PHYHD1: variants seen among roughly 807,000 people sequenced by gnomAD.
PHYHD1 encodes the protein phytanoyl-CoA dioxygenase domain containing 1.
In PHYHD1, 42 loss-of-function variants were observed where a neutral mutation model predicts 43.6. The ratio of observed to expected loss-of-function variants is 0.96; its 90% CI spans 0.75 to 1.25. The LOEUF (loss-of-function observed/expected upper bound fraction) is 1.25, where lower values mean the gene tolerates loss of function less well. Among genes scored for constraint, PHYHD1 ranks in the 50% most tolerant of loss-of-function variants. The pLI is 0.00. For missense variants in PHYHD1, 342 were observed against 370.8 expected (o/e 0.92, Z 0.64); for synonymous variants, 139 against 143.6 (o/e 0.97, Z 0.23).
intron 8 of PHYHD1, 24 bp from the exon 9 acceptor site, chr9:128,937,733 C>A (rs760576277): frequency 6.2e-7 from 1 of 1,613,878 alleles, no homozygotes; most frequent in East Asian, 2.2e-5. Context: ...TCTGTCCTCA[C>A]CAGGCTTTTC....
intron 4 of PHYHD1, among the ~76,000 whole-genome samples, chr9:128,931,137 T>C (rs533347260): frequency 1.3e-5 from 2 of 151,914 alleles, no homozygotes; most frequent in Admixed American, 6.6e-5. Context: ...TTGAGATATA[T>C]TTTCGCTCCT....
At chr9:128,938,086 C>G in intron 9 of PHYHD1, 1 of 712,530 alleles carries the variant, frequency 1.4e-6, no homozygotes, top group Non-Finnish European at 2.1e-6. Context: ...GCGAGCGGAT[C>G]ACCTGAGGTC....
rs1840992756 is a variant in PHYHD1 at position 128,921,284 on chromosome 9, G to A, written c.-544G>A. 2 of 151,098 alleles carry A rather than the reference G, an allele frequency of 1.3e-5. No homozygotes were observed. The highest frequency in any genetic ancestry group is 4.2e-4 in the South Asian group (2 of 4,768). 9.4% of individuals were successfully genotyped at this position (151,098 alleles called of 1,614,324 possible). ...CTGCCACCATGCTCGGCTAGTTTTT[G>A]GTATTTTTATTTATTATTTATTTAT... On this transcript the variant is annotated 5_prime_UTR_variant, in exon 1 of 13. Coordinates refer to ENST00000372592, the MANE Select transcript of PHYHD1 (RefSeq NM_001100876.2).
intron 3 of PHYHD1, 117 bp downstream of exon 3, chr9:128,922,473 GC>G: frequency 7.6e-7 from 1 of 1,316,556 alleles, no homozygotes. Flanking sequence ...CGAAACTGAA[GC>G]CCAGAGGAGC....
At position 128,939,331 on chromosome 9, in the gene PHYHD1, G is replaced by C. The variant is rs1367796719; in HGVS notation, c.458-1038G>C. Among the ~76,000 whole-genome samples, 2 of 128,556 alleles carry C rather than the reference G, an allele frequency of 1.6e-5. 1 individual carries two copies. Among genetic ancestry groups the C allele is most frequent in the Non-Finnish European group, 3.6e-5 (2 of 55,436 alleles). The allele number at this position is 128,556 out of a possible 152,430, so 84.3% of individuals were successfully genotyped here. On this transcript the variant is annotated intron_variant, in intron 9 of 12. Coordinates refer to ENST00000372592, the MANE Select transcript of PHYHD1 (RefSeq NM_001100876.2). Reference sequence around the variant, plus strand: ...GTGGTGGCTCACGCTTGTAATCCCAGCACTTTGGGAGGCCGAGGGGGTAGA... The same window carrying C: ...GTGGTGGCTCACGCTTGTAATCCCACCACTTTGGGAGGCCGAGGGGGTAGA...
At chr9:128,928,567 G>A (rs1410518999) in intron 4 of PHYHD1, among the ~76,000 whole-genome samples, 2 of 152,104 alleles carry the variant, frequency 1.3e-5, no homozygotes, top group East Asian at 1.9e-4. Context: ...GCTGGGCCAG[G>A]TGATGCATAC....
At chr9:128,924,488 T>C (rs1410275170) in intron 3 of PHYHD1, among the ~76,000 whole-genome samples, 1 of 152,028 alleles carries the variant, frequency 6.6e-6, no homozygotes, top group African/African-American at 2.4e-5. Context: ...GGTGTGCACC[T>C]GCAGTCCCAG....
At chr9:128,936,310 G>A in intron 6 of PHYHD1, 138 bp from the exon 7 acceptor site, 1 of 1,212,850 alleles carries the variant, frequency 8.2e-7, no homozygotes, top group Non-Finnish European at 1.2e-6. Flanking sequence ...CCATTACTCA[G>A]TTGTAAACAA....
intron 4 of PHYHD1, among the ~76,000 whole-genome samples, chr9:128,932,166 A>ATTTTTTT (rs1564540372): frequency 5.7e-5 from 7 of 122,736 alleles, no homozygotes; most frequent in African/African-American, 2.1e-4. Flanking sequence ...TATTATTATT[A>ATTTTTTT]TTGTTATTAT....
At chr9:128,926,171 G>A (rs1189301338) in intron 3 of PHYHD1, among the ~76,000 whole-genome samples, 1 of 152,226 alleles carries the variant, frequency 6.6e-6, no homozygotes, top group African/African-American at 2.4e-5. Flanking sequence ...ATAAGGTTGT[G>A]TTTCCAGGTG....
rs1214445812 is a variant in PHYHD1, at chr9:128,934,702, A to G, written c.316+644A>G. Among the ~76,000 whole-genome samples the G allele has an allele frequency of 5.3e-5, 8 of 151,208 alleles. No individual in the cohort carries two copies. The Admixed American group carries it at 5.3e-4, about 10-fold the overall frequency. Reference sequence around the variant, plus strand: ...AGAATAGCTTGAACCCGAGAGGCTGAGGCTGCAGTGAGCCGATATCATGCC... The same window carrying G: ...AGAATAGCTTGAACCCGAGAGGCTGGGGCTGCAGTGAGCCGATATCATGCC... On this transcript the variant is annotated intron_variant, in intron 6 of 12. Transcript: ENST00000372592.
chr9:128,932,172 A>ATTTTTTTTTTTTTTTTTTTTTTTTTTTT (rs1367583651), intron 4 of PHYHD1, among the ~76,000 whole-genome samples: 1 of 104,230 alleles, frequency 9.6e-6, no homozygotes, highest in African/African-American at 4.3e-5. Flanking sequence ...TATTATTGTT[A>ATTTTTTTTTTTTTTTTTTTTTTTTTTTT]TTATTATTAT....
At chr9:128,939,945 G>C (rs1039438209) in intron 9 of PHYHD1, among the ~76,000 whole-genome samples, 6 of 151,984 alleles carry the variant, frequency 3.9e-5, no homozygotes, top group African/African-American at 1.4e-4. Flanking sequence ...GTGAGCCACC[G>C]CGCCAAGCCC....
rs1840994164 is a variant in PHYHD1 at position 128,921,351 on chromosome 9, T to C, written c.-477T>C. On this transcript the variant is annotated 5_prime_UTR_variant, in exon 1 of 13. Transcript: ENST00000372592. ...TCTCGCTCTGTCGCCCAGGCTCTAG[T>C]GCAGTGGCCCAATCTCGGCTCACTG... is the stretch of plus-strand genomic sequence containing the variant. The C allele has an allele frequency of 6.6e-6, 1 of 152,264 alleles. No homozygotes were observed. The highest frequency in any genetic ancestry group is 2.4e-5 in the African/African-American group (1 of 41,456). The allele number at this position is 152,264 out of a possible 1,614,324, so 9.4% of individuals were successfully genotyped here.
At chr9:128,922,160 C>T in intron 2 of PHYHD1, 113 bp downstream of exon 2, 1 of 701,410 alleles carries the variant, frequency 1.4e-6, no homozygotes, top group Non-Finnish European at 2.4e-6. Flanking sequence ...GGAGATTAGC[C>T]TGGAGGTCAC....
intron 8 of PHYHD1, among the ~76,000 whole-genome samples, chr9:128,937,273 G>A (rs1423434135): frequency 6.6e-6 from 1 of 151,012 alleles, no homozygotes; most frequent in Non-Finnish European, 1.5e-5. Flanking sequence ...AAAAAAAAAA[G>A]AAAAAAAAAT....
intron 3 of PHYHD1, among the ~76,000 whole-genome samples, chr9:128,924,636 G>A (rs1372793767): frequency 6.6e-6 from 1 of 150,604 alleles, no homozygotes; most frequent in Non-Finnish European, 1.5e-5. Context: ...AAAGAAGAAG[G>A]AAAGAAAAGA....
chr9:128,922,455 A>G, intron 3 of PHYHD1, 99 bp downstream of exon 3: 1 of 1,418,660 alleles, frequency 7.0e-7, no homozygotes, highest in Non-Finnish European at 9.5e-7. Context: ...GCCCCATTTT[A>G]CCGAGGACGA....
chr9:128,936,276 G>A (rs748019597), intron 6 of PHYHD1, among the ~76,000 whole-genome samples, 172 bp from the exon 7 acceptor site: 1 of 152,008 alleles, frequency 6.6e-6, no homozygotes, highest in Non-Finnish European at 1.5e-5. Flanking sequence ...AGGGCCTGGG[G>A]TGGGGGCAAG....
Sources: gnomAD v4.1 joint callset for allele counts (sites outside exome capture counted in the v4.1 genomes callset) on GRCh38, gnomAD v4.1.1 for gene constraint, MANE v1.5 for transcripts, NCBI Gene and HGNC (gene_info 2026-07-23, HGNC 2026-07-21) for gene names.